PCDHA6: variants seen among roughly 807,000 people sequenced by gnomAD.
PCDHA6 encodes protocadherin alpha 6, also known as protocadherin alpha-6.
In PCDHA6, 55 loss-of-function variants were observed where a neutral mutation model predicts 60.3. That is an observed-to-expected ratio of 0.91 (90% CI 0.73 to 1.14). The LOEUF is 1.14. Among genes scored for constraint, PCDHA6 ranks in the 50% most tolerant of loss-of-function variants. The pLI, the probability that PCDHA6 is intolerant of heterozygous loss-of-function variation, is 0.00. For synonymous variants in PCDHA6, 652 were observed against 557.9 expected (o/e 1.17, Z -2.38); for missense variants, 1,327 against 1,256.5 (o/e 1.06, Z -0.85).
At chr5:140,894,457 T>C (rs2153447013) in intron 1 of PCDHA6, among the ~76,000 whole-genome samples, 1 of 152,166 alleles carries the variant, frequency 6.6e-6, no homozygotes, top group African/African-American at 2.4e-5. Flanking sequence ...AAAAAATATT[T>C]TACTTTTTAT....
chr5:140,837,299 G>A (rs2150274522), intron 1 of PCDHA6: 88,040 of 151,626 alleles, frequency 0.58, 26,686 homozygotes, highest in African/African-American at 0.73. Context: ...ACTTTGTTGA[G>A]ATGTATTTGC....
chr5:140,870,825 C>T, intron 1 of PCDHA6: 1 of 1,613,726 alleles, frequency 6.2e-7, no homozygotes, highest in Non-Finnish European at 8.5e-7. Flanking sequence ...GCGCGGGAGG[C>T]GCAGTTAACA....
rs2150225507 is a variant in PCDHA6 at position 140,834,752 on chromosome 5, G to A, written c.2394+4267G>A. The stretch of plus-strand genomic sequence containing the variant: ...AGGTTTTCCATGTGGACGTGGAGGT[G>A]AAGGACATTAACGACAACCCTCCGG... On this transcript the variant is annotated intron_variant, in intron 1 of 3. Coordinates refer to ENST00000529310, the MANE Select transcript of PCDHA6 (RefSeq NM_018909.4). The A allele has an allele frequency of 1.1e-5, 17 of 1,614,188 alleles. No homozygotes were observed. In the Admixed American group the frequency reaches 2.7e-4, roughly 25 times the overall value.
chr5:140,884,833 C>T (rs1175023363), intron 1 of PCDHA6: 1 of 916,514 alleles, frequency 1.1e-6, no homozygotes, highest in Non-Finnish European at 1.5e-6. Flanking sequence ...GTTGGATTAT[C>T]CTTCAGAGTG....
intron 1 of PCDHA6, chr5:140,858,100 C>A (rs368579908): frequency 1.9e-6 from 3 of 1,597,702 alleles, no homozygotes; most frequent in South Asian, 1.1e-5. Context: ...CTTCAGTGGG[C>A]GTGGCGCCCG....
Position 140,857,753 on chromosome 5 carries a change from G to C in PCDHA6, c.2394+27268G>C, listed in dbSNP as rs782054220. 1.3e-5 allele frequency: 20 copies of C among 1,597,296 alleles called. No individual in the cohort carries two copies. The East Asian group carries it at 4.5e-4, about 36-fold the overall frequency. On this transcript the variant is annotated intron_variant, in intron 1 of 3. Coordinates refer to ENST00000529310, the MANE Select transcript of PCDHA6 (RefSeq NM_018909.4). ...CGCTCCCGCGCTGCTGGCGTCTCCC[G>C]CTGGCAGCGCGGGCGGTGCAGTCAG... is the stretch of plus-strand genomic sequence containing the variant.
intron 3 of PCDHA6, among the ~76,000 whole-genome samples, chr5:141,007,425 A>G (rs369535619): frequency 6.6e-4 from 98 of 148,834 alleles, no homozygotes; most frequent in African/African-American, 2.3e-3. Context: ...AAAATTAGCC[A>G]GGCATGGTGG....
At chr5:140,843,154 G>T in intron 1 of PCDHA6, 3 of 1,596,128 alleles carry the variant, frequency 1.9e-6, no homozygotes, top group Non-Finnish European at 2.6e-6. Context: ...CGTATGAGCT[G>T]CAGCCAGCTG....
intron 1 of PCDHA6, among the ~76,000 whole-genome samples, chr5:140,901,673 A>G (rs964267221): frequency 6.6e-6 from 1 of 152,056 alleles, no homozygotes; most frequent in Admixed American, 6.6e-5. Context: ...AGATACCTTT[A>G]GGTATTATGG....
chr5:140,832,831 C>T (rs2150204521), intron 1 of PCDHA6, among the ~76,000 whole-genome samples: 27 of 152,028 alleles, frequency 1.8e-4, no homozygotes, highest in Non-Finnish European at 3.5e-4. Context: ...TGCCTTTTTC[C>T]CTTGTTGAAG....
chr5:140,975,579 A>G (rs1464978366), intron 1 of PCDHA6, among the ~76,000 whole-genome samples: 3 of 152,244 alleles, frequency 2.0e-5, no homozygotes, highest in Non-Finnish European at 4.4e-5. Context: ...ATGCAGTCTC[A>G]TGTCCCAGAG....
At chr5:140,865,398 G>T (rs1554159421) in intron 1 of PCDHA6, 1 of 152,138 alleles carries the variant, frequency 6.6e-6, no homozygotes, top group African/African-American at 2.4e-5. Flanking sequence ...TAATATAAAT[G>T]CTGAAAAGGA....
chr5:140,951,145 T>G (rs2094553191), intron 1 of PCDHA6, among the ~76,000 whole-genome samples: 1 of 100,698 alleles, frequency 9.9e-6, no homozygotes, highest in South Asian at 2.6e-4. Flanking sequence ...TTTATCTTAT[T>G]GAATATAGTT....
intron 1 of PCDHA6, chr5:140,968,530 A>G (rs1554230830): frequency 6.2e-7 from 1 of 1,614,174 alleles, no homozygotes; most frequent in East Asian, 2.2e-5. Context: ...CCAACTCGTC[A>G]GCAGCCTTCG....
In PCDHA6 at chr5:140,966,787, A is replaced by C. The variant is rs781920865; in HGVS notation, c.2395-12162A>C. 5.9e-5 allele frequency: 90 copies of C among 1,526,700 alleles called. No homozygotes were observed. Among genetic ancestry groups the C allele is most frequent in the Non-Finnish European group, 7.7e-5 (88 of 1,139,948 alleles). The allele number at this position is 1,526,700 out of a possible 1,614,324, so 94.6% of individuals were successfully genotyped here. On this transcript the variant is annotated intron_variant, in intron 1 of 3. Coordinates refer to ENST00000529310, the MANE Select transcript of PCDHA6 (RefSeq NM_018909.4). ...TGGCTATGGAGCAGGCGGGCACCAG[A>C]CCTGCGGCGACAGAGCATCCACGGC...
chr5:140,985,494 C>G (rs1217361161), intron 3 of PCDHA6, among the ~76,000 whole-genome samples: 2 of 152,136 alleles, frequency 1.3e-5, no homozygotes, highest in Non-Finnish European at 2.9e-5. Flanking sequence ...TCAAATAGAG[C>G]CTGCCTTTCA....
intron 1 of PCDHA6, chr5:140,856,279 T>A (rs1554148476): frequency 1.3e-6 from 2 of 1,598,260 alleles, no homozygotes; most frequent in East Asian, 2.2e-5. Flanking sequence ...TGGAGGTAAA[T>A]CTGCAGAATG....
In PCDHA6 at chr5:140,829,552, C is replaced by A. The variant is rs1302023406; in HGVS notation, c.1461C>A (p.Asn487Lys). 3.1e-6 allele frequency: 5 copies of A among 1,612,754 alleles called. No individual in the cohort carries two copies. The highest frequency in any genetic ancestry group is 1.3e-5 in the African/African-American group (1 of 74,912). The change falls in exon 1 of 4, where the codon AAC becomes AAA. Residue 487 changes from asparagine to lysine, a missense_variant. By Grantham distance (94) the Asn-to-Lys change is moderately conservative. Transcript: ENST00000529310. ...CGCGAGACGCGGACGCGCAGGAGAA[C>A]GCGCTGGTGTCCTACTCGCTGGTGG... The part of the protein sequence containing the change: ...VSARDADAQE[N>K]ALVSYSLVER...
At chr5:140,857,736 C>T in intron 1 of PCDHA6, 2 of 1,597,364 alleles carry the variant, frequency 1.3e-6, no homozygotes, top group African/African-American at 1.3e-5. Flanking sequence ...AACGCTCCCG[C>T]GCTGCTGGCG....
Sources: gnomAD v4.1 joint callset for allele counts (sites outside exome capture counted in the v4.1 genomes callset) on GRCh38, gnomAD v4.1.1 for gene constraint, MANE v1.5 for transcripts, NCBI Gene and HGNC (gene_info 2026-07-23, HGNC 2026-07-21) for gene names.